SDK1: variants seen among roughly 807,000 people sequenced by gnomAD.
SDK1 encodes sidekick cell adhesion molecule 1, also known as protein sidekick-1.
A neutral mutation model predicts 245.5 loss-of-function variants in SDK1; 157 were observed. The observed-to-expected ratio is 0.64, with a 90% CI of 0.56 to 0.73. The LOEUF is 0.73. Ranked by LOEUF, SDK1 falls within the 30% of genes least tolerant of loss-of-function variation. The probability of loss-of-function intolerance (pLI) is 0.00; values close to 1 mark genes in which losing one functional copy is unlikely to be tolerated. For missense variants in SDK1, 3,583 were observed against 3,002.3 expected (o/e 1.19, Z -4.52); for synonymous variants, 1,647 against 1,278.5 (o/e 1.29, Z -6.15).
intron 1 of SDK1, among the ~76,000 whole-genome samples, chr7:3,432,692 T>A (rs1335873525): frequency 6.6e-6 from 1 of 152,158 alleles, no homozygotes; most frequent in Non-Finnish European, 1.5e-5. Flanking sequence ...GACTGTAGCC[T>A]GCACTGTCAT....
intron 14 of SDK1, among the ~76,000 whole-genome samples, chr7:4,005,438 TAA>T (rs1785406502): frequency 1.1e-5 from 1 of 94,450 alleles, no homozygotes; most frequent in Non-Finnish European, 2.2e-5. Flanking sequence ...GTGTGTGTGT[TAA>T]TACTTCTTGG....
chr7:3,770,727 G>C lies in SDK1; in HGVS notation c.714-50723G>C, dbSNP rs1164467478. ...CCTTCTGTCTCCTGATTCTCAGTGG[G>C]CTGCCAGTTGGTTGATCCCTTGCCT... On this transcript the variant is annotated intron_variant, in intron 4 of 44. Coordinates refer to ENST00000404826, the MANE Select transcript of SDK1 (RefSeq NM_152744.4). Among the ~76,000 whole-genome samples, 9 of 152,084 alleles carry C rather than the reference G, an allele frequency of 5.9e-5. No individual in the cohort carries two copies. The East Asian group carries it at 1.3e-3, about 23-fold the overall frequency.
At chr7:4,099,736 C>T (rs933429631) in intron 22 of SDK1, among the ~76,000 whole-genome samples, 4 of 148,054 alleles carry the variant, frequency 2.7e-5, no homozygotes, top group Non-Finnish European at 6.0e-5. Context: ...CAGGGCCAAG[C>T]AGGCACAGAG....
Position 3,594,788 on chromosome 7 carries a change from A to G in SDK1, c.299-24292A>G, listed in dbSNP as rs143288216. Among the ~76,000 whole-genome samples, 198 of 152,334 alleles carry G rather than the reference A, an allele frequency of 1.3e-3. 4 individuals are homozygous for G. Among genetic ancestry groups the G allele is most frequent in the African/African-American group, 4.6e-3 (191 of 41,572 alleles). On this transcript the variant is annotated intron_variant, in intron 1 of 44. Coordinates refer to ENST00000404826, the MANE Select transcript of SDK1 (RefSeq NM_152744.4). ...TTACTGTTTTAGAGATAATACTGAT[A>G]TAAGAACCATCAGTCCCTGCTTTCA...
chr7:3,918,221 C>T (rs967966826), intron 5 of SDK1, among the ~76,000 whole-genome samples: 1 of 152,194 alleles, frequency 6.6e-6, no homozygotes, highest in Non-Finnish European at 1.5e-5. Context: ...TCCCAACCCC[C>T]CCAGCCACAG....
At chr7:3,820,067 CTA>C (rs1779606236) in intron 4 of SDK1, among the ~76,000 whole-genome samples, 1 of 152,156 alleles carries the variant, frequency 6.6e-6, no homozygotes, top group African/African-American at 2.4e-5. Flanking sequence ...AGAGCTTAGA[CTA>C]AATGATATTT....
chr7:3,338,718 G>C (rs4255031), intron 1 of SDK1: 1 of 174,310 alleles, frequency 5.7e-6, no homozygotes, highest in East Asian at 1.7e-4. Context: ...TTACATGGAA[G>C]CATGGAAGCC....
intron 5 of SDK1, among the ~76,000 whole-genome samples, chr7:3,873,310 C>T (rs557038166): frequency 1.3e-5 from 2 of 152,256 alleles, no homozygotes; most frequent in South Asian, 4.1e-4. Context: ...TGCTATATTT[C>T]TTATCTTGCT....
chr7:4,178,607 A>C (rs758176056), intron 35 of SDK1, 21 bp downstream of exon 35: 14 of 1,567,880 alleles, frequency 8.9e-6, no homozygotes, highest in Non-Finnish European at 1.2e-5. Flanking sequence ...TGCACCCCCA[A>C]CCCCACTGCC....
At chr7:3,583,701 T>C (rs2128633476) in intron 1 of SDK1, among the ~76,000 whole-genome samples, 1 of 152,026 alleles carries the variant, frequency 6.6e-6, no homozygotes, top group South Asian at 2.1e-4. Context: ...GAGTCCCAGG[T>C]GCCCCCTGAG....
chr7:4,210,112 G>C lies in SDK1; in HGVS notation c.5489G>C (p.Gly1830Ala). The C allele has an allele frequency of 1.2e-6, 2 of 1,609,364 alleles. No homozygotes were observed. Among genetic ancestry groups the C allele is most frequent in the Non-Finnish European group, 1.7e-6 (2 of 1,178,120 alleles). Residue 1830 changes from glycine to alanine, a missense_variant, in exon 38 of 45, where the codon GGC becomes GCC. By Grantham distance (60) the Gly-to-Ala change is moderately conservative. Transcript: ENST00000404826. ...TGGGGCGAGCCTGCGGCGGCCAACG[G>C]CATCCTGCAGGGCTATCGGGTGGTG... ...VSWGEPAAANGILQGYRVVYE... is the reference protein window; with the variant it reads ...VSWGEPAAANAILQGYRVVYE...
chr7:3,781,042 A>G (rs995649636), intron 4 of SDK1, among the ~76,000 whole-genome samples: 3 of 152,040 alleles, frequency 2.0e-5, no homozygotes, highest in African/African-American at 4.8e-5. Flanking sequence ...CAGGAGGTCA[A>G]ACAGTCACTC....
intron 4 of SDK1, among the ~76,000 whole-genome samples, chr7:3,818,534 A>T (rs767087678): frequency 5.3e-5 from 8 of 152,232 alleles, no homozygotes; most frequent in Non-Finnish European, 1.0e-4. Flanking sequence ...GTAGAAACAG[A>T]TACATAGGAC....
chr7:3,389,092 G>A (rs1781681137), intron 1 of SDK1, among the ~76,000 whole-genome samples: 1 of 152,158 alleles, frequency 6.6e-6, no homozygotes, highest in Non-Finnish European at 1.5e-5. Context: ...GGACCACAAG[G>A]AATGAGTGGT....
At chr7:3,380,936 C>G (rs569042687) in intron 1 of SDK1, among the ~76,000 whole-genome samples, 2 of 152,274 alleles carry the variant, frequency 1.3e-5, no homozygotes, top group South Asian at 4.1e-4. Context: ...CCTGAGAAAT[C>G]AAGCTTTTGT....
At chr7:3,488,104 G>C (rs1450262088) in intron 1 of SDK1, among the ~76,000 whole-genome samples, 3 of 152,172 alleles carry the variant, frequency 2.0e-5, no homozygotes, top group Non-Finnish European at 4.4e-5. Flanking sequence ...CTCTTGTGCA[G>C]ATTCATCTCT....
chr7:3,793,980 A>C lies in SDK1; in HGVS notation c.714-27470A>C, dbSNP rs1007978202. 2.0e-5 allele frequency among the ~76,000 whole-genome samples: 3 copies of C among 152,154 alleles called. No homozygotes were observed. The East Asian group carries it at 5.8e-4, about 29-fold the overall frequency. ...GCTGAAGGCCTTTTGTTCTAAGGGC[A>C]CCTCCAACCCCCACATCCTAGTAGT... On this transcript the variant is annotated intron_variant, in intron 4 of 44. Coordinates refer to ENST00000404826, the MANE Select transcript of SDK1 (RefSeq NM_152744.4).
intron 7 of SDK1, among the ~76,000 whole-genome samples, chr7:3,956,611 CT>C (rs1039647139): frequency 2.0e-5 from 3 of 152,238 alleles, no homozygotes; most frequent in African/African-American, 7.2e-5. Flanking sequence ...CACTGAGCTA[CT>C]AAAACTGCCC....
At chr7:3,879,130 G>T (rs561998054) in intron 5 of SDK1, among the ~76,000 whole-genome samples, 1 of 152,144 alleles carries the variant, frequency 6.6e-6, no homozygotes, top group African/African-American at 2.4e-5. Context: ...AATATTCTGT[G>T]TGCGGTAACT....
Sources: gnomAD v4.1 joint callset for allele counts (sites outside exome capture counted in the v4.1 genomes callset) on GRCh38, gnomAD v4.1.1 for gene constraint, MANE v1.5 for transcripts, NCBI Gene and HGNC (gene_info 2026-07-23, HGNC 2026-07-21) for gene names.